Variants in GRIP1 observed in about 807,000 individuals in gnomAD.
GRIP1 encodes the protein glutamate receptor-interacting protein 1.
Under a neutral mutation model 129.9 loss-of-function variants are expected in GRIP1, and 45 were observed. The observed-to-expected ratio is 0.35, with a 90% CI of 0.27 to 0.44. The LOEUF is 0.44. GRIP1 is among the 20% of genes least tolerant of loss of function. The pLI is 1.00. For missense variants in GRIP1, 1,196 were observed against 1,396.8 expected, an observed-to-expected ratio of 0.86 and a Z score of 2.29; for synonymous variants, 530 against 520.8, an observed-to-expected ratio of 1.02 and a Z score of -0.24.
chr12:66,484,333 T>C (rs1370420658), intron 7 of GRIP1, among the ~76,000 whole-genome samples: 1 of 152,238 alleles, frequency 6.6e-6, no homozygotes, highest in Non-Finnish European at 1.5e-5. Context: ...AGGTGACCCA[T>C]GCTATAATTC....
intron 1 of GRIP1, among the ~76,000 whole-genome samples, chr12:66,612,585 C>T (rs1392998252): frequency 6.6e-6 from 1 of 151,960 alleles, no homozygotes; most frequent in East Asian, 1.9e-4. Context: ...TGCAGTGAGT[C>T]ATGACTGCCA....
chr12:66,382,195 C>T (rs796780763), intron 19 of GRIP1, among the ~76,000 whole-genome samples: 2 of 152,306 alleles, frequency 1.3e-5, no homozygotes, highest in Admixed American at 6.5e-5. Flanking sequence ...CACCACTGCA[C>T]TCCAGTCTGG....
chr12:66,478,906 C>G (rs1257674693), intron 7 of GRIP1, among the ~76,000 whole-genome samples: 1 of 152,084 alleles, frequency 6.6e-6, no homozygotes, highest in Non-Finnish European at 1.5e-5. Context: ...GGAGGGATAG[C>G]ATTAGGAAAT....
intron 1 of GRIP1, among the ~76,000 whole-genome samples, chr12:67,063,204 TCTC>T (rs1200670703): frequency 6.6e-6 from 1 of 152,178 alleles, no homozygotes; most frequent in Non-Finnish European, 1.5e-5. Context: ...ACCTCAAATA[TCTC>T]CTCATCAACT....
At chr12:66,934,759 G>A (rs560487501) in intron 1 of GRIP1, among the ~76,000 whole-genome samples, 1 of 152,296 alleles carries the variant, frequency 6.6e-6, no homozygotes, top group East Asian at 1.9e-4. Context: ...ACACAAGTAA[G>A]TGCTTGTTTA....
At chr12:66,512,357 A>G (rs1178805716) in intron 7 of GRIP1, among the ~76,000 whole-genome samples, 2 of 152,128 alleles carry the variant, frequency 1.3e-5, no homozygotes, top group Non-Finnish European at 2.9e-5. Flanking sequence ...GGAAATTCCT[A>G]GAGACTTGTT....
At chr12:66,958,557 T>G (rs1449177092) in intron 1 of GRIP1, among the ~76,000 whole-genome samples, 4 of 152,194 alleles carry the variant, frequency 2.6e-5, no homozygotes, top group Admixed American at 2.6e-4. Flanking sequence ...TGGAGAATGG[T>G]ATTAGGAACC....
chr12:67,009,547 G>T (rs2042675128), intron 1 of GRIP1, among the ~76,000 whole-genome samples: 1 of 152,148 alleles, frequency 6.6e-6, no homozygotes, highest in African/African-American at 2.4e-5. Context: ...CTTTAAAGAA[G>T]TATTAACACC....
At position 66,567,902 on chromosome 12, in the gene GRIP1, G is replaced by A. The variant is rs558155901; in HGVS notation, c.137-25952C>T. 7 of 166,354 alleles carry A rather than the reference G, an allele frequency of 4.2e-5. 1 individual carries two copies. The South Asian group carries it at 8.1e-4, about 19-fold the overall frequency. The allele number at this position is 166,354 out of a possible 1,614,324, so 10.3% of individuals were successfully genotyped here. A position where few individuals can be genotyped will look rare whatever the true frequency, so the allele number is the denominator to read the frequency against. ...AGAGCACTGCGAGGATAGAACATCCGTAAACACTGGGGAATGTGAGGATGT... is the reference window on the plus strand; with the variant it reads ...AGAGCACTGCGAGGATAGAACATCCATAAACACTGGGGAATGTGAGGATGT... On this transcript the variant is annotated intron_variant, in intron 2 of 24. Transcript: ENST00000359742.
chr12:66,990,224 T>C (rs1784390492), intron 1 of GRIP1, among the ~76,000 whole-genome samples: 1 of 152,202 alleles, frequency 6.6e-6, no homozygotes, highest in African/African-American at 2.4e-5. Context: ...TTCTCTGATG[T>C]TCTAGAACTT....
At chr12:66,808,360 C>G (rs957160067), upstream of GRIP1, among the ~76,000 whole-genome samples, 1 of 152,062 alleles carries the variant, frequency 6.6e-6, no homozygotes, top group Non-Finnish European at 1.5e-5. Context: ...TGCAGTAGCA[C>G]GATCTCGGCT....
chr12:66,833,922 C>T lies in GRIP1; in HGVS notation c.58+235128G>A, dbSNP rs2039563083. 2.0e-5 allele frequency among the ~76,000 whole-genome samples: 3 copies of T among 152,086 alleles called. No individual in the cohort carries two copies. In the South Asian group the frequency reaches 6.2e-4, roughly 32 times the overall value. ...CTGTGGCTCACGCCTGTAATCCCAG[C>T]ACTTTGGAAGGCCAAGGCGGATGGC... is the stretch of plus-strand genomic sequence containing the variant. On this transcript the variant is annotated intron_variant, in intron 1 of 1. Coordinates refer to the GRIP1 transcript ENST00000643019.
At chr12:66,720,314 C>T (rs1401081103) in intron 1 of GRIP1, among the ~76,000 whole-genome samples, 1 of 152,158 alleles carries the variant, frequency 6.6e-6, no homozygotes, top group Admixed American at 6.6e-5. Context: ...AAAATGCTAA[C>T]CATCATCTGA....
intron 7 of GRIP1, among the ~76,000 whole-genome samples, chr12:66,504,508 T>C (rs1003091541): frequency 1.3e-5 from 2 of 152,206 alleles, no homozygotes; most frequent in Non-Finnish European, 2.9e-5. Flanking sequence ...TTTGTAATCA[T>C]ATGTACCTGT....
intron 5 of GRIP1, among the ~76,000 whole-genome samples, chr12:66,522,255 AG>A (rs923273225): frequency 6.6e-6 from 1 of 152,214 alleles, no homozygotes; most frequent in Non-Finnish European, 1.5e-5. Context: ...ACCCCCAAAT[AG>A]GGGCAGACTG....
intron 2 of GRIP1, among the ~76,000 whole-genome samples, chr12:66,587,128 T>A (rs1228697819): frequency 6.6e-6 from 1 of 152,184 alleles, no homozygotes; most frequent in Non-Finnish European, 1.5e-5. Flanking sequence ...CAACCTCCTC[T>A]CTCTTTTCTT....
intron 13 of GRIP1, among the ~76,000 whole-genome samples, chr12:66,441,109 A>T (rs1227212087): frequency 2.6e-5 from 4 of 152,112 alleles, no homozygotes; most frequent in African/African-American, 9.7e-5. Flanking sequence ...TTCCGCCCCT[A>T]CTTTTCAGAT....
At chr12:66,694,368 C>CA (rs1164829648) in intron 1 of GRIP1, among the ~76,000 whole-genome samples, 1 of 151,888 alleles carries the variant, frequency 6.6e-6, no homozygotes. Flanking sequence ...TGAAAAGCTG[C>CA]AAAAAAATGT....
intron 13 of GRIP1, among the ~76,000 whole-genome samples, chr12:66,434,772 C>A (rs548170526): frequency 3.2e-4 from 48 of 152,356 alleles, no homozygotes; most frequent in Admixed American, 2.6e-3. Flanking sequence ...AGCATGCACA[C>A]TGGGGGCAGA....
Sources: allele counts gnomAD v4.1 joint callset (sites outside exome capture counted in the v4.1 genomes callset), GRCh38; gene constraint gnomAD v4.1.1; transcripts MANE v1.5; gene names NCBI Gene and HGNC (gene_info 2026-07-23, HGNC 2026-07-21).